Variants in MLXIPL observed in about 807,000 individuals in gnomAD.
MLXIPL encodes the protein MLX interacting protein like.
In MLXIPL, 49 loss-of-function variants were observed where a neutral mutation model predicts 81.5. The ratio of observed to expected loss-of-function variants is 0.60; its 90% CI spans 0.48 to 0.76. MLXIPL has a LOEUF of 0.76. Ranked by LOEUF, MLXIPL falls within the 30% of genes least tolerant of loss-of-function variation. The pLI, the probability that MLXIPL is intolerant of heterozygous loss-of-function variation, is 0.00. For synonymous variants in MLXIPL, 466 were observed against 485.5 expected, an observed-to-expected ratio of 0.96 and a Z score of 0.53; for missense variants, 1,053 against 1,167.0, an observed-to-expected ratio of 0.90 and a Z score of 1.42.
intron 15 of MLXIPL, among the ~76,000 whole-genome samples, chr7:73,595,387 G>A (rs782316860): frequency 6.6e-6 from 1 of 152,064 alleles, no homozygotes; most frequent in Non-Finnish European, 1.5e-5. Flanking sequence ...CTGAGGTCAG[G>A]GCCAAGGCTC....
chr7:73,603,257 C>T (rs1554596895), intron 7 of MLXIPL, among the ~76,000 whole-genome samples: 1 of 152,206 alleles, frequency 6.6e-6, no homozygotes, highest in African/African-American at 2.4e-5. Flanking sequence ...GAGAGGGCCA[C>T]ACGAGCCACC....
At chr7:73,599,960 G>GC (rs1313097007) in intron 7 of MLXIPL, among the ~76,000 whole-genome samples, 5 of 152,028 alleles carry the variant, frequency 3.3e-5, no homozygotes, top group Admixed American at 6.6e-5. Flanking sequence ...CCAGGAAGGA[G>GC]CCCCCTCCCC....
the MLXIPL span, among the ~76,000 whole-genome samples, chr7:73,640,402 C>CAAAAAAAA: frequency 3.6e-5 from 3 of 82,206 alleles, no homozygotes; most frequent in Non-Finnish European, 5.1e-5. Flanking sequence ...ACCCTGTCTC[C>CAAAAAAAA]AAAAAAAAAA....
Position 73,597,265 on chromosome 7 carries a change from G to A in MLXIPL, c.1520C>T (p.Pro507Leu), listed in dbSNP as rs1304703353. ...APSPRGQKAS[P>L]PTLAPATASP... ...GGCAGTGGCAGGGGCTAAGGTAGGGGGGCTGGCTTTCTGTCCCCTAGGGGA... is the reference window on the plus strand; with the variant it reads ...GGCAGTGGCAGGGGCTAAGGTAGGGAGGCTGGCTTTCTGTCCCCTAGGGGA... Residue 507 changes from proline (P) to leucine (L), a missense_variant, in exon 9 of 17, where the codon CCC (proline) becomes CTC (leucine). Around this residue, in one of 3 missense-constraint regions of MLXIPL, gnomAD observed 823 missense variants for 933.0 expected, o/e 0.88. Transcript: ENST00000313375. 6.3e-7 allele frequency: 1 copy of A among 1,592,268 alleles called. No individual in the cohort carries two copies.
the MLXIPL span, among the ~76,000 whole-genome samples, chr7:73,640,276 G>A: frequency 6.6e-6 from 1 of 151,132 alleles, no homozygotes; most frequent in Non-Finnish European, 1.5e-5. Flanking sequence ...GTGGTAGCAA[G>A]CACCTGTAGT....
At chr7:73,634,084 G>A in the MLXIPL span, among the ~76,000 whole-genome samples, 3 of 152,280 alleles carry the variant, frequency 2.0e-5, no homozygotes, top group Admixed American at 6.5e-5. Context: ...CGGCAAGTTG[G>A]GAAGTCACTT....
At position 73,595,967 on chromosome 7, in the gene MLXIPL, C is replaced by A; in HGVS notation, c.2061G>T (p.Val687=). Residue 687 remains valine (V), a splice_region_variant and synonymous_variant, in exon 14 of 17, where the codon GTG becomes GTT. Coordinates refer to ENST00000313375, the MANE Select transcript of MLXIPL (RefSeq NM_032951.3). ...STLSAQPSLK[V]SKATTLQKTA... ...TCTTCTGCAGCGTGGTAGCTTTGCTCACCTGCAGACGCCACCAGGGGGGCT... is the reference window on the plus strand; with the variant it reads ...TCTTCTGCAGCGTGGTAGCTTTGCTAACCTGCAGACGCCACCAGGGGGGCT... The A allele has an allele frequency of 6.2e-7, 1 of 1,612,660 alleles. No homozygotes were observed. Among genetic ancestry groups the A allele is most frequent in the Non-Finnish European group, 8.5e-7 (1 of 1,179,978 alleles).
At chr7:73,604,744 T>C (rs799158) in intron 7 of MLXIPL, among the ~76,000 whole-genome samples, 147,804 of 152,240 alleles carry the variant, frequency 0.97, 71,780 homozygotes, top group East Asian at 1. Flanking sequence ...TTTGAAATGT[T>C]CTCTAGTAAA....
chr7:73,605,109 C>G (rs1289178222), intron 7 of MLXIPL, among the ~76,000 whole-genome samples: 1 of 152,108 alleles, frequency 6.6e-6, no homozygotes, highest in African/African-American at 2.4e-5. Context: ...ATAAATAGAC[C>G]CAAATAATTC....
chr7:73,637,746 C>T, the MLXIPL span, among the ~76,000 whole-genome samples: 1 of 152,244 alleles, frequency 6.6e-6, no homozygotes. Context: ...GCTCATGTTC[C>T]AGGCTAGGCT....
At chr7:73,630,187 C>A in the MLXIPL span, among the ~76,000 whole-genome samples, 1 of 149,936 alleles carries the variant, frequency 6.7e-6, no homozygotes, top group African/African-American at 2.4e-5. Context: ...TTAGTACAGG[C>A]GGGGTTTCAC....
chr7:73,625,576 G>A (rs1554603626), upstream of MLXIPL, among the ~76,000 whole-genome samples: 2 of 152,066 alleles, frequency 1.3e-5, no homozygotes, highest in African/African-American at 4.8e-5. Flanking sequence ...GGCTAACATG[G>A]AGAAACCCCT....
rs371792430 is a variant in MLXIPL, at chr7:73,605,943, C to A, written c.787G>T (p.Gly263Cys). The change falls in exon 6 of 17, where the codon GGC becomes TGC. Residue 263 changes from glycine to cysteine, a missense_variant. This residue lies in a region of MLXIPL where 823 missense variants were observed against 933.0 expected (regional missense o/e 0.88). Transcript: ENST00000313375. ...GGCGGCAGCTGCAGGGGCGAAGGGC[C>A]GGACTGAGTCATGGTGAAGAGAGTG... ...SDTLFTMTQS[G>C]PSPLQLPPED... is the part of the protein sequence containing the mutation. 9.4e-6 allele frequency: 15 copies of A among 1,595,144 alleles called. No homozygotes were observed. In the African/African-American group the frequency reaches 1.7e-4, roughly 19 times the overall value.
chr7:73,594,187 G>A, intron 16 of MLXIPL, 87 bp downstream of exon 16: 2 of 1,589,986 alleles, frequency 1.3e-6, no homozygotes, highest in East Asian at 4.5e-5. Context: ...TTGATGGCAA[G>A]CTGGATGTGG....
At chr7:73,643,518 A>G in the MLXIPL span, among the ~76,000 whole-genome samples, 1 of 151,864 alleles carries the variant, frequency 6.6e-6, no homozygotes, top group Admixed American at 6.6e-5. Flanking sequence ...CGTCTCAAAA[A>G]AAAAAAAAAA....
At chr7:73,640,277 C>G in the MLXIPL span, among the ~76,000 whole-genome samples, 1 of 150,992 alleles carries the variant, frequency 6.6e-6, no homozygotes, top group South Asian at 2.1e-4. Flanking sequence ...TGGTAGCAAG[C>G]ACCTGTAGTC....
In MLXIPL at chr7:73,623,066, A is replaced by C. The variant is rs1375256638; in HGVS notation, c.293+1134T>G. ...ACGCCCTGGCCGATCGGGTTGCAAC[A>C]TGACCTGGGCCAGGGGCCAGAGCTT... On this transcript the variant is annotated intron_variant, in intron 1 of 16. Transcript: ENST00000313375. The surrounding 1 kb of genome is among the most constrained non-coding windows in gnomAD (Gnocchi z 5.7). Among the ~76,000 whole-genome samples, 8 of 152,104 alleles carry C rather than the reference A, an allele frequency of 5.3e-5. No homozygotes were observed. The highest frequency in any genetic ancestry group is 1.0e-4 in the Non-Finnish European group (7 of 68,020).
At position 73,607,853 on chromosome 7, in the gene MLXIPL, C is replaced by CTTTTTTTTTTTT. The variant is rs1166806013; in HGVS notation, c.401-193_401-182dup. 3.1e-3 allele frequency among the ~76,000 whole-genome samples: 342 copies of CTTTTTTTTTTTT among 110,310 alleles called. 23 individuals carry two copies. The highest frequency in any genetic ancestry group is 8.3e-3 in the African/African-American group (222 of 26,610). 72.4% of individuals were successfully genotyped at this position (110,310 alleles called of 152,430 possible). The stretch of plus-strand genomic sequence containing the variant: ...TGATGCTCTAGCCTCCTAGATCTTC[C>CTTTTTTTTTTTT]TTTTTTTTTTTTTTTTTTTGGAGAT... On this transcript the variant is annotated intron_variant, in intron 2 of 16. Transcript: ENST00000313375.
At position 73,606,045 on chromosome 7, in the gene MLXIPL, G is replaced by C; in HGVS notation, c.685C>G (p.Leu229Val). 6.3e-7 allele frequency: 1 copy of C among 1,590,830 alleles called. No individual in the cohort carries two copies. The highest frequency in any genetic ancestry group is 8.6e-7 in the Non-Finnish European group (1 of 1,168,634). Reference sequence around the variant, plus strand: ...GGCTCCTCCTCTGGGTCCCCCAGCAGCACGGGGACCACACTGGAGAAGAGC... The same window carrying C: ...GGCTCCTCCTCTGGGTCCCCCAGCACCACGGGGACCACACTGGAGAAGAGC... ...KQLFSSVVPVLLGDPEEEPGG... is the reference protein window; with the variant it reads ...KQLFSSVVPVVLGDPEEEPGG... Residue 229 changes from leucine to valine, a missense_variant, in exon 6 of 17, where the codon CTG (leucine) becomes GTG (valine). Physicochemically the swap from Leu to Val is conservative, Grantham distance 32. This residue lies in a region of MLXIPL where 823 missense variants were observed against 933.0 expected (regional missense o/e 0.88). Transcript: ENST00000313375.
Sources: allele counts gnomAD v4.1 joint callset (sites outside exome capture counted in the v4.1 genomes callset), GRCh38; gene constraint gnomAD v4.1.1; regional missense constraint gnomAD v4.1.1; non-coding constraint Gnocchi (gnomAD v3.1); transcripts MANE v1.5; gene names NCBI Gene and HGNC (gene_info 2026-07-23, HGNC 2026-07-21).